The following CHCHD6 variants were observed in gnomAD, a reference collection of about 807,000 sequenced individuals.
The protein encoded by CHCHD6 is MICOS complex subunit MIC25.
A neutral mutation model predicts 32.3 loss-of-function variants in CHCHD6; 28 were observed. That is an observed-to-expected ratio of 0.87 (90% confidence interval 0.64 to 1.19). The LOEUF (loss-of-function observed/expected upper bound fraction) is 1.19. CHCHD6 is among the 50% of genes most tolerant of loss of function. The probability of loss-of-function intolerance (pLI) is 0.00; values close to 1 mark genes in which losing one functional copy is unlikely to be tolerated. For missense variants in CHCHD6, 333 were observed against 307.0 expected, an observed-to-expected ratio of 1.08 and a Z score of -0.63; for synonymous variants, 122 against 117.5, an observed-to-expected ratio of 1.04 and a Z score of -0.25.
At chr3:126,859,809 C>T (rs1409224440) in intron 5 of CHCHD6, among the ~76,000 whole-genome samples, 1 of 152,146 alleles carries the variant, frequency 6.6e-6, no homozygotes, top group East Asian at 1.9e-4. Flanking sequence ...GAGAAGAGTC[C>T]AGGAAGAATG....
intron 4 of CHCHD6, among the ~76,000 whole-genome samples, chr3:126,812,027 A>G (rs144012811): frequency 4.0e-5 from 6 of 151,828 alleles, no homozygotes; most frequent in East Asian, 3.9e-4. Flanking sequence ...CGCTTTTACT[A>G]TAGTTATTAG....
chr3:126,909,466 G>T (rs1276072094), intron 5 of CHCHD6, among the ~76,000 whole-genome samples: 1 of 152,166 alleles, frequency 6.6e-6, no homozygotes, highest in African/African-American at 2.4e-5. Context: ...TGATCTCACA[G>T]ATCCAGGCCC....
chr3:126,856,599 A>G (rs1941674185), intron 5 of CHCHD6, among the ~76,000 whole-genome samples: 1 of 152,190 alleles, frequency 6.6e-6, no homozygotes, highest in African/African-American at 2.4e-5. Flanking sequence ...AAGAAGTAGG[A>G]GTGGGATTTA....
At chr3:126,898,868 C>T (rs1481998148) in intron 5 of CHCHD6, among the ~76,000 whole-genome samples, 3 of 152,150 alleles carry the variant, frequency 2.0e-5, no homozygotes, top group Non-Finnish European at 4.4e-5. Context: ...CTGAAATATT[C>T]ACTTTAAAAT....
At chr3:126,880,109 A>G (rs967131235) in intron 5 of CHCHD6, among the ~76,000 whole-genome samples, 12 of 152,194 alleles carry the variant, frequency 7.9e-5, no homozygotes, top group Non-Finnish European at 1.5e-4. Context: ...GGGAGATGCC[A>G]TTCTCATGTG....
chr3:126,891,209 TG>T (rs1034370705), intron 5 of CHCHD6, among the ~76,000 whole-genome samples: 4 of 152,112 alleles, frequency 2.6e-5, no homozygotes, highest in Non-Finnish European at 4.4e-5. Flanking sequence ...CGGAAAGGCC[TG>T]GGGGTTGTGT....
At chr3:126,950,787 C>A (rs1039297183) in intron 6 of CHCHD6, among the ~76,000 whole-genome samples, 2 of 152,158 alleles carry the variant, frequency 1.3e-5, no homozygotes, top group Non-Finnish European at 2.9e-5. Flanking sequence ...AAAGGCTGCA[C>A]AGAGGAATGG....
At chr3:126,892,950 G>A (rs1269078661) in intron 5 of CHCHD6, among the ~76,000 whole-genome samples, 1 of 151,074 alleles carries the variant, frequency 6.6e-6, no homozygotes, top group East Asian at 1.9e-4. Flanking sequence ...TTTTGTTGTT[G>A]TTGTTGTTTT....
intron 4 of CHCHD6, among the ~76,000 whole-genome samples, chr3:126,850,307 T>C (rs1482538845): frequency 6.6e-6 from 1 of 152,260 alleles, no homozygotes; most frequent in Non-Finnish European, 1.5e-5. Flanking sequence ...ACACAGTTCA[T>C]TTCATTCTTA....
chr3:126,856,199 CA>C (rs376994604), intron 5 of CHCHD6, among the ~76,000 whole-genome samples: 78 of 152,320 alleles, frequency 5.1e-4, no homozygotes, highest in Middle Eastern at 3.4e-3. Context: ...TGTTTTGGGC[CA>C]CATTCAAAGC....
At chr3:126,876,895 C>A (rs112395761) in intron 5 of CHCHD6, among the ~76,000 whole-genome samples, 8 of 152,094 alleles carry the variant, frequency 5.3e-5, no homozygotes, top group African/African-American at 1.9e-4. Flanking sequence ...AAGCAGCCAG[C>A]GGACTCAGCA....
In CHCHD6 at chr3:126,872,686, C is replaced by T. The variant is rs189461010; in HGVS notation, c.495+19956C>T. Among the ~76,000 whole-genome samples the T allele has an allele frequency of 1.2e-4, 18 of 152,336 alleles. No individual in the cohort carries two copies. In the East Asian group the frequency reaches 3.5e-3, roughly 29 times the overall value. ...CAGGAGCACTGAACTCACAGGCTTCCTCTCTCCTGGACTGGTCTCAGCTCC... is the reference window on the plus strand; with the variant it reads ...CAGGAGCACTGAACTCACAGGCTTCTTCTCTCCTGGACTGGTCTCAGCTCC... On this transcript the variant is annotated intron_variant, in intron 5 of 7. Transcript: ENST00000290913.
At chr3:126,754,371 A>C (rs571897126) in intron 4 of CHCHD6, among the ~76,000 whole-genome samples, 16 of 152,298 alleles carry the variant, frequency 1.1e-4, no homozygotes, top group African/African-American at 3.8e-4. Context: ...ATTCCTTCCA[A>C]GAGATGGTGC....
chr3:126,919,277 T>G (rs2078211206), intron 6 of CHCHD6, among the ~76,000 whole-genome samples: 1 of 151,584 alleles, frequency 6.6e-6, no homozygotes, highest in Non-Finnish European at 1.5e-5. Context: ...TTTCTGACAC[T>G]TTCCTTCTAA....
In CHCHD6 at chr3:126,738,522, C is replaced by A. The variant is rs372049588; in HGVS notation, c.411+5300C>A. Among the ~76,000 whole-genome samples, 10 of 152,266 alleles carry A rather than the reference C, an allele frequency of 6.6e-5. No individual in the cohort carries two copies. The East Asian group carries it at 1.2e-3, about 18-fold the overall frequency. On this transcript the variant is annotated intron_variant, in intron 4 of 7. Coordinates refer to ENST00000290913, the MANE Select transcript of CHCHD6 (RefSeq NM_032343.3). ...ATTGTCTTGTTCCTCAGATTATAAA[C>A]TCCTTGAGAATAAGAACTGTGGTGT...
intron 6 of CHCHD6, among the ~76,000 whole-genome samples, chr3:126,928,753 C>T (rs1463545335): frequency 6.6e-6 from 1 of 152,232 alleles, no homozygotes; most frequent in Non-Finnish European, 1.5e-5. Flanking sequence ...ATCATTCCCA[C>T]TGTCCCCACC....
At chr3:126,913,114 A>T (rs2078117182) in intron 5 of CHCHD6, among the ~76,000 whole-genome samples, 1 of 147,452 alleles carries the variant, frequency 6.8e-6, no homozygotes, top group Non-Finnish European at 1.5e-5. Flanking sequence ...TGTTTCAGGG[A>T]CTGACTGATC....
chr3:126,748,456 G>A (rs1465273618), intron 4 of CHCHD6, among the ~76,000 whole-genome samples: 5 of 152,030 alleles, frequency 3.3e-5, no homozygotes, highest in African/African-American at 1.2e-4. Flanking sequence ...TTAGCTGGGC[G>A]TGGTGGTGGG....
chr3:126,796,762 G>T (rs1051073636), intron 4 of CHCHD6, among the ~76,000 whole-genome samples: 1 of 152,092 alleles, frequency 6.6e-6, no homozygotes, highest in African/African-American at 2.4e-5. Flanking sequence ...TGTGGGGATC[G>T]ACTCCACTAC....
Sources: gnomAD v4.1 joint callset for allele counts (sites outside exome capture counted in the v4.1 genomes callset) on GRCh38, gnomAD v4.1.1 for gene constraint, MANE v1.5 for transcripts, NCBI Gene and HGNC (gene_info 2026-07-23, HGNC 2026-07-21) for gene names.